The following PAM variants were observed in gnomAD, a reference collection of about 807,000 sequenced individuals.
PAM encodes the protein peptidyl-glycine alpha-amidating monooxygenase.
PAM carries 72 observed loss-of-function variants against 122.1 expected under a neutral mutation model. That is an observed-to-expected ratio of 0.59 (90% CI 0.49 to 0.72). PAM has a LOEUF of 0.72. Among genes scored for constraint, PAM ranks in the 30% least tolerant of loss-of-function variants. PAM has a pLI of 0.00. For missense variants in PAM, 1,106 were observed against 1,183.7 expected, an observed-to-expected ratio of 0.93 and a Z score of 0.96; for synonymous variants, 389 against 404.4, an observed-to-expected ratio of 0.96 and a Z score of 0.46.
chr5:102,805,216 A>C (rs1325040459), intron 1 of PAM, among the ~76,000 whole-genome samples: 1 of 151,686 alleles, frequency 6.6e-6, no homozygotes, highest in Non-Finnish European at 1.5e-5. Context: ...GACTACAAGC[A>C]CGTGCTACCA....
rs1764593760 is a variant in PAM at position 102,967,863 on chromosome 5, C to G, written c.1163-6253C>G. On this transcript the variant is annotated intron_variant, in intron 14 of 25. Coordinates refer to ENST00000438793, the MANE Select transcript of PAM (RefSeq NM_001177306.2). ...TCAGCCTCCTGAGTAGCTGGGATTA[C>G]AGGTGCCCGCCACCACCCCCAGCTA... Among the ~76,000 whole-genome samples, 3 of 151,962 alleles carry G rather than the reference C, an allele frequency of 2.0e-5. 1 individual carries two copies. The highest frequency in any genetic ancestry group is 1.3e-4 in the Admixed American group (2 of 15,236).
chr5:102,843,226 A>C (rs1245560287), intron 1 of PAM, among the ~76,000 whole-genome samples: 3 of 152,254 alleles, frequency 2.0e-5, no homozygotes, highest in African/African-American at 7.2e-5. Flanking sequence ...TTGAGTATGT[A>C]TATTTAGTGT....
chr5:102,981,714 G>A (rs10463990), intron 15 of PAM, among the ~76,000 whole-genome samples: 39,017 of 152,060 alleles, frequency 0.26, 5,625 homozygotes, highest in East Asian at 0.43. Context: ...CTGCATTGTC[G>A]TGAGCTTTGA....
At chr5:102,930,342 A>G (rs1034736141) in intron 7 of PAM, among the ~76,000 whole-genome samples, 2 of 152,132 alleles carry the variant, frequency 1.3e-5, no homozygotes, top group Non-Finnish European at 2.9e-5. Flanking sequence ...GCGTACAAGT[A>G]TACCTGAAAG....
chr5:102,802,560 T>C (rs1765064943), intron 1 of PAM, among the ~76,000 whole-genome samples: 1 of 152,116 alleles, frequency 6.6e-6, no homozygotes, highest in African/African-American at 2.4e-5. Flanking sequence ...AATACTTTCA[T>C]AGCACATAGC....
chr5:102,834,704 A>T (rs556140775), intron 1 of PAM, among the ~76,000 whole-genome samples: 2 of 152,294 alleles, frequency 1.3e-5, no homozygotes, highest in African/African-American at 4.8e-5. Flanking sequence ...AAGATGCTGA[A>T]GTAGGAGCCT....
intron 4 of PAM, among the ~76,000 whole-genome samples, chr5:102,910,695 T>C (rs1377304619): frequency 3.3e-5 from 5 of 151,918 alleles, no homozygotes; most frequent in African/African-American, 1.2e-4. Context: ...ATCCCAAGGC[T>C]GTCTTTGTTT....
rs567808004 is a variant in PAM, at chr5:102,825,871, C to T, written c.-373-39952C>T. On this transcript the variant is annotated intron_variant, in intron 1 of 25. Transcript: ENST00000438793. ...TCTAAAAAAGAAAAAGAAAATAATA[C>T]TGCTTTCTAGAGTTAGAGTATTATG... 7.9e-5 allele frequency among the ~76,000 whole-genome samples: 12 copies of T among 152,190 alleles called. No homozygotes were observed. The South Asian group carries it at 2.5e-3, about 32-fold the overall frequency.
At chr5:102,984,157 A>G (rs1770925449) in intron 15 of PAM, among the ~76,000 whole-genome samples, 1 of 152,152 alleles carries the variant, frequency 6.6e-6, no homozygotes, top group Admixed American at 6.5e-5. Context: ...CCACAATGAT[A>G]AACAATAGGA....
intron 4 of PAM, among the ~76,000 whole-genome samples, chr5:102,906,874 T>C (rs1799716951): frequency 1.3e-5 from 2 of 151,756 alleles, no homozygotes; most frequent in South Asian, 2.1e-4. Context: ...AAATTAATAG[T>C]GGACTATTAT....
chr5:102,893,573 G>T (rs975597835), intron 3 of PAM, among the ~76,000 whole-genome samples: 9 of 151,742 alleles, frequency 5.9e-5, no homozygotes, highest in Admixed American at 1.3e-4. Flanking sequence ...CTTTAACATT[G>T]TAGTTTTTAT....
rs142508127 is a variant in PAM at position 102,937,639 on chromosome 5, C to A, written c.527-9198C>A. ...GTTCAGAGTGACAGAATGAGAACAG[C>A]CTAACTAAAAGGGATCATCAGGCCT... On this transcript the variant is annotated intron_variant, in intron 7 of 25. Transcript: ENST00000438793. Among the ~76,000 whole-genome samples the A allele has an allele frequency of 3.6e-3, 551 of 152,174 alleles. 5 individuals carry two copies. The highest frequency in any genetic ancestry group is 0.012 in the African/African-American group (518 of 41,526).
At chr5:102,910,802 T>C (rs1405538605) in intron 4 of PAM, among the ~76,000 whole-genome samples, 1 of 151,838 alleles carries the variant, frequency 6.6e-6, no homozygotes, top group Non-Finnish European at 1.5e-5. Context: ...TGGTGTATGA[T>C]GGGTGAAAAA....
At chr5:102,754,894 C>T (rs1377892055), upstream of PAM, 1 of 152,342 alleles carries the variant, frequency 6.6e-6, no homozygotes, top group Non-Finnish European at 1.5e-5. Context: ...TCACTCCCTT[C>T]CCCGGGGCAC....
At chr5:102,901,522 G>T in intron 4 of PAM, 109 bp downstream of exon 4, 1 of 681,728 alleles carries the variant, frequency 1.5e-6, no homozygotes, top group South Asian at 1.7e-5. Context: ...TTTACTGTCA[G>T]TTTCTAAAAT....
chr5:102,942,526 A>G (rs2151911737), intron 7 of PAM, among the ~76,000 whole-genome samples: 1 of 151,712 alleles, frequency 6.6e-6, no homozygotes, highest in Non-Finnish European at 1.5e-5. Flanking sequence ...AGTTCAGAAC[A>G]CTCTGGGAGG....
chr5:102,843,109 T>C (rs962704888), intron 1 of PAM, among the ~76,000 whole-genome samples: 6 of 152,170 alleles, frequency 3.9e-5, no homozygotes, highest in African/African-American at 1.4e-4. Flanking sequence ...AATTATGTTT[T>C]AAATAAACCA....
chr5:102,826,945 G>A (rs1052877121), intron 1 of PAM, among the ~76,000 whole-genome samples: 3 of 152,140 alleles, frequency 2.0e-5, no homozygotes, highest in Non-Finnish European at 2.9e-5. Context: ...GCTTTTATAA[G>A]AGAATTTTTC....
intron 7 of PAM, among the ~76,000 whole-genome samples, chr5:102,932,658 T>C (rs1751966723): frequency 6.7e-6 from 1 of 149,360 alleles, no homozygotes. Flanking sequence ...AATAAATATA[T>C]ATATATAAAA....
Sources: gnomAD v4.1 joint callset for allele counts (sites outside exome capture counted in the v4.1 genomes callset) on GRCh38, gnomAD v4.1.1 for gene constraint, MANE v1.5 for transcripts, NCBI Gene and HGNC (gene_info 2026-07-23, HGNC 2026-07-21) for gene names.